The following C12orf42 variants were observed in gnomAD, a reference collection of about 807,000 sequenced individuals.
The protein encoded by C12orf42 is chromosome 12 open reading frame 42, also known as uncharacterized protein C12orf42.
In C12orf42, 25 loss-of-function variants were observed where a neutral mutation model predicts 21.6. The observed-to-expected ratio is 1.16, with a 90% confidence interval of 0.84 to 1.62. The LOEUF (loss-of-function observed/expected upper bound fraction) is 1.62, where lower values mean the gene tolerates loss of function less well. C12orf42 is among the 40% of genes most tolerant of loss of function. The pLI is 0.00. For missense variants in C12orf42, 483 were observed against 459.3 expected, an observed-to-expected ratio of 1.05 and a Z score of -0.47; for synonymous variants, 174 against 175.0, an observed-to-expected ratio of 0.99 and a Z score of 0.05.
At chr12:103,261,618 C>T (rs1043980217) in intron 10 of C12orf42, among the ~76,000 whole-genome samples, 8 of 151,520 alleles carry the variant, frequency 5.3e-5, no homozygotes, top group Admixed American at 6.6e-5. Flanking sequence ...AATTATTCTT[C>T]GAGTGGAATT....
At chr12:103,395,823 T>C (rs1162448525) in intron 3 of C12orf42, among the ~76,000 whole-genome samples, 1 of 151,134 alleles carries the variant, frequency 6.6e-6, no homozygotes, top group East Asian at 1.9e-4. Context: ...CATTATAACA[T>C]AATAGTTATA....
intron 2 of C12orf42, among the ~76,000 whole-genome samples, chr12:103,466,100 G>A (rs1953105551): frequency 6.6e-6 from 1 of 152,130 alleles, no homozygotes; most frequent in African/African-American, 2.4e-5. Context: ...GTATCAGGAT[G>A]ATGCTGGTCT....
chr12:103,224,154 G>A, the C12orf42 span, among the ~76,000 whole-genome samples: 1 of 152,164 alleles, frequency 6.6e-6, no homozygotes, highest in Non-Finnish European at 1.5e-5. Flanking sequence ...AGACTAAGAG[G>A]TATTTTAGTT....
chr12:103,368,131 C>G, intron 4 of C12orf42: 1 of 1,089,924 alleles, frequency 9.2e-7, no homozygotes, highest in Non-Finnish European at 1.2e-6. Flanking sequence ...TATGGACAGT[C>G]GCAGGTTGTC....
chr12:103,524,768 G>A, the C12orf42 span, among the ~76,000 whole-genome samples: 5,049 of 152,244 alleles, frequency 0.033, 285 homozygotes, highest in African/African-American at 0.11. Context: ...CTGCACATAA[G>A]TGCCAAGACA....
At chr12:103,279,360 A>G (rs1260765816) in intron 4 of C12orf42, among the ~76,000 whole-genome samples, 2 of 152,128 alleles carry the variant, frequency 1.3e-5, no homozygotes, top group Non-Finnish European at 2.9e-5. Context: ...TACATTAAAT[A>G]TATGCAGGGT....
chr12:103,154,797 AAAT>A, the C12orf42 span, among the ~76,000 whole-genome samples: 1 of 152,204 alleles, frequency 6.6e-6, no homozygotes, highest in South Asian at 2.1e-4. Context: ...CAAAGAGAAA[AAAT>A]AATGTTTGAC....
the C12orf42 span, among the ~76,000 whole-genome samples, chr12:103,544,913 G>T: frequency 6.6e-6 from 1 of 152,022 alleles, no homozygotes; most frequent in East Asian, 1.9e-4. Context: ...CGCTCAACCT[G>T]TGCAGGACTT....
intron 2 of C12orf42, among the ~76,000 whole-genome samples, chr12:103,435,291 A>G (rs547834664): frequency 3.4e-4 from 52 of 152,330 alleles, no homozygotes; most frequent in African/African-American, 1.2e-3. Flanking sequence ...TAAAACCACA[A>G]AGATGGGGAA....
At chr12:103,546,747 T>TTCCTTCA in the C12orf42 span, among the ~76,000 whole-genome samples, 1 of 152,122 alleles carries the variant, frequency 6.6e-6, no homozygotes, top group Non-Finnish European at 1.5e-5. Context: ...GCATATAAAA[T>TTCCTTCA]GTTTTAAGCT....
the C12orf42 span, among the ~76,000 whole-genome samples, chr12:103,094,388 A>G: frequency 6.6e-6 from 1 of 152,216 alleles, no homozygotes; most frequent in Non-Finnish European, 1.5e-5. Context: ...GGAACAATCC[A>G]TTCCTGAATT....
At chr12:103,241,808 G>T (rs1055634024) in intron 10 of C12orf42, among the ~76,000 whole-genome samples, 1 of 152,052 alleles carries the variant, frequency 6.6e-6, no homozygotes, top group African/African-American at 2.4e-5. Flanking sequence ...AAAACAAACG[G>T]GATCAAAAGG....
chr12:103,159,918 A>G, the C12orf42 span, among the ~76,000 whole-genome samples: 5 of 152,344 alleles, frequency 3.3e-5, no homozygotes, highest in African/African-American at 1.2e-4. Context: ...TGACTATTCA[A>G]TAGATGACTC....
At chr12:103,236,917 T>A (rs1288390436), downstream of C12orf42, among the ~76,000 whole-genome samples, 4 of 152,180 alleles carry the variant, frequency 2.6e-5, no homozygotes, top group East Asian at 5.8e-4. Flanking sequence ...CAAAAAGGAC[T>A]ATAGACCTGG....
chr12:103,103,957 C>T, the C12orf42 span, among the ~76,000 whole-genome samples: 28 of 152,220 alleles, frequency 1.8e-4, no homozygotes, highest in Admixed American at 7.8e-4. Flanking sequence ...CGTGCCACCA[C>T]GCCCAATAGC....
intron 2 of C12orf42, among the ~76,000 whole-genome samples, chr12:103,432,030 G>A (rs1950303026): frequency 6.6e-6 from 1 of 152,174 alleles, no homozygotes; most frequent in Non-Finnish European, 1.5e-5. Flanking sequence ...TCAACTTGGG[G>A]TATTATACGT....
chr12:103,173,423 T>C, the C12orf42 span, among the ~76,000 whole-genome samples: 1 of 152,054 alleles, frequency 6.6e-6, no homozygotes, highest in East Asian at 1.9e-4. Flanking sequence ...AAAGAAAATC[T>C]CCTTCCCACT....
chr12:103,296,703 G>T (rs553859842), intron 4 of C12orf42, among the ~76,000 whole-genome samples: 75 of 152,166 alleles, frequency 4.9e-4, no homozygotes, highest in African/African-American at 1.7e-3. Flanking sequence ...ACTTGTTGAT[G>T]GGGTTGTTTT....
chr12:103,511,700 C>T, the C12orf42 span, among the ~76,000 whole-genome samples: 19 of 152,278 alleles, frequency 1.2e-4, no homozygotes, highest in African/African-American at 4.6e-4. Flanking sequence ...CAGGTGGAGA[C>T]ACACTCACTC....
Sources: allele counts gnomAD v4.1 joint callset (sites outside exome capture counted in the v4.1 genomes callset), GRCh38; gene constraint gnomAD v4.1.1; transcripts MANE v1.5; gene names NCBI Gene and HGNC (gene_info 2026-07-23, HGNC 2026-07-21).